GRIK1: variants seen among roughly 807,000 people sequenced by gnomAD.
GRIK1 encodes glutamate receptor ionotropic, kainate 1.
In GRIK1, 69 loss-of-function variants were observed where a neutral mutation model predicts 105.7. The observed-to-expected ratio is 0.65, with a 90% CI of 0.54 to 0.80. The LOEUF (loss-of-function observed/expected upper bound fraction) is 0.80, where lower values mean the gene tolerates loss of function less well. Ranked by LOEUF, GRIK1 falls within the 30% of genes least tolerant of loss-of-function variation. GRIK1 has a pLI of 0.00. For synonymous variants in GRIK1, 438 were observed against 431.3 expected (o/e 1.02, Z -0.19); for missense variants, 1,109 against 1,167.3 (o/e 0.95, Z 0.73).
chr21:29,717,862 TC>T (rs1385315689), intron 1 of GRIK1, among the ~76,000 whole-genome samples: 3 of 152,148 alleles, frequency 2.0e-5, no homozygotes, highest in Admixed American at 2.0e-4. Context: ...TTTGGCTGTG[TC>T]CCCACTCAAA....
intron 1 of GRIK1, among the ~76,000 whole-genome samples, chr21:29,740,240 A>T (rs2064893398): frequency 6.8e-6 from 1 of 147,278 alleles, no homozygotes; most frequent in South Asian, 2.1e-4. Flanking sequence ...TTTTTTTGAG[A>T]CAGAGTCTCC....
At chr21:29,601,717 A>T (rs1365871972) in intron 7 of GRIK1, among the ~76,000 whole-genome samples, 4 of 152,166 alleles carry the variant, frequency 2.6e-5, no homozygotes, top group African/African-American at 7.2e-5. Context: ...CCCTCTGACC[A>T]GTATTGCTTG....
At position 29,633,873 on chromosome 21, in the gene GRIK1, GA is replaced by G. The variant is rs2062339029; in HGVS notation, c.1098+8952del. On this transcript the variant is annotated intron_variant, in intron 7 of 17. Transcript: ENST00000327783. The stretch of plus-strand genomic sequence containing the variant: ...AGGTGCAGAATGAGAAATAGAAATG[GA>G]AATTTTTTCTGAAGAGTAGAAATTT... Among the ~76,000 whole-genome samples the G allele has an allele frequency of 2.0e-5, 3 of 152,226 alleles. No homozygotes were observed. The South Asian group carries it at 6.2e-4, about 32-fold the overall frequency.
intron 1 of GRIK1, among the ~76,000 whole-genome samples, chr21:29,872,535 A>C (rs1198242104): frequency 6.6e-6 from 1 of 152,186 alleles, no homozygotes; most frequent in Non-Finnish European, 1.5e-5. Flanking sequence ...CTGGTGCCAC[A>C]GAAACACTGA....
chr21:29,673,141 TGA>T lies in GRIK1; in HGVS notation c.566_567del (p.Leu189HisfsTer8). 6.2e-7 allele frequency: 1 copy of T among 1,611,496 alleles called. No homozygotes were observed. The highest frequency in any genetic ancestry group is 8.5e-7 in the Non-Finnish European group (1 of 1,177,834). Reference protein sequence around the residue: ...DSTGLIRLQELIKAPSRYNIK... With the variant: ...DSTGLIRLQEXIKAPSRYNIK... ...ATATTATATCTGGAGGGAGCTTTGA[TGA>T]GCTCTTGTAGACGAATTAGACCTAG... On this transcript the variant is annotated frameshift_variant, in exon 4 of 18. Transcript: ENST00000327783. LOFTEE classifies it high-confidence loss of function.
chr21:29,576,895 T>TC (rs2090908761), intron 14 of GRIK1, 69 bp downstream of exon 14: 1 of 848,632 alleles, frequency 1.2e-6, no homozygotes, highest in African/African-American at 1.7e-5. Flanking sequence ...CTTTTTTTTT[T>TC]CGACAGATTC....
chr21:29,591,355 G>A (rs2061331592), intron 9 of GRIK1, 130 bp from the exon 10 acceptor site: 4 of 692,650 alleles, frequency 5.8e-6, no homozygotes, highest in Non-Finnish European at 7.9e-6. Context: ...CACAGTGGAA[G>A]CTACTAAACG....
chr21:29,915,986 C>A (rs1160834030), intron 1 of GRIK1, among the ~76,000 whole-genome samples: 1 of 151,964 alleles, frequency 6.6e-6, no homozygotes. Flanking sequence ...CAGTCCTAAA[C>A]TGAAAAATAA....
At chr21:29,620,851 T>TTA (rs1418762830) in intron 7 of GRIK1, among the ~76,000 whole-genome samples, 3 of 145,098 alleles carry the variant, frequency 2.1e-5, no homozygotes, top group African/African-American at 7.6e-5. Context: ...AAAATATATA[T>TTA]CATATGTAGT....
At chr21:29,701,960 G>T (rs1404815608) in intron 1 of GRIK1, among the ~76,000 whole-genome samples, 1 of 152,194 alleles carries the variant, frequency 6.6e-6, no homozygotes, top group Non-Finnish European at 1.5e-5. Context: ...GATGCAGGAG[G>T]TACTTGACTT....
In GRIK1 at chr21:29,712,107, C is replaced by CACACACACACAT. The variant is rs1247595229; in HGVS notation, c.119-18045_119-18044insATGTGTGTGTGT. Among the ~76,000 whole-genome samples, 7 of 151,356 alleles carry CACACACACACAT rather than the reference C, an allele frequency of 4.6e-5. No homozygotes were observed. The South Asian group carries it at 1.0e-3, about 23-fold the overall frequency. Reference sequence around the variant, plus strand: ...ATACACACACACACACACACACACACACACACACACACACACATATATATA... The same window carrying CACACACACACAT: ...ATACACACACACACACACACACACACACACACACACATACACACACACACACACATATATATA... On this transcript the variant is annotated intron_variant, in intron 1 of 17. Coordinates refer to ENST00000327783, the MANE Select transcript of GRIK1 (RefSeq NM_001330994.2).
intron 1 of GRIK1, among the ~76,000 whole-genome samples, chr21:29,897,383 A>G (rs949057797): frequency 1.3e-5 from 2 of 152,224 alleles, no homozygotes; most frequent in African/African-American, 4.8e-5. Flanking sequence ...CTTGAAAAGC[A>G]TGGCAGAGAA....
At chr21:29,603,372 C>T (rs1392552558) in intron 7 of GRIK1, among the ~76,000 whole-genome samples, 1 of 151,808 alleles carries the variant, frequency 6.6e-6, no homozygotes, top group African/African-American at 2.4e-5. Context: ...ATCCTAGTAC[C>T]TAGTCTCTAG....
At chr21:29,803,197 T>A (rs562727465) in intron 1 of GRIK1, among the ~76,000 whole-genome samples, 2 of 152,298 alleles carry the variant, frequency 1.3e-5, no homozygotes, top group South Asian at 2.1e-4. Context: ...TTCTTCTATG[T>A]GAGATTTGTT....
chr21:29,779,250 C>T (rs73186458), intron 1 of GRIK1, among the ~76,000 whole-genome samples: 3,817 of 152,296 alleles, frequency 0.025, 65 homozygotes, highest in Non-Finnish European at 0.042. Flanking sequence ...ATTTCTTTGA[C>T]TCTGCATGAA....
intron 16 of GRIK1, among the ~76,000 whole-genome samples, chr21:29,538,703 A>G (rs577782228): frequency 2.0e-5 from 3 of 152,298 alleles, no homozygotes; most frequent in East Asian, 3.9e-4. Flanking sequence ...GCCACCAGGT[A>G]ATGTGTCTAA....
chr21:29,888,357 TG>T (rs1206115124), intron 1 of GRIK1, among the ~76,000 whole-genome samples: 1 of 149,832 alleles, frequency 6.7e-6, no homozygotes, highest in Non-Finnish European at 1.5e-5. Flanking sequence ...CTTGACCTCC[TG>T]GGTTCAAGAG....
At chr21:29,770,360 T>C (rs2065784428) in intron 1 of GRIK1, among the ~76,000 whole-genome samples, 8 of 152,198 alleles carry the variant, frequency 5.3e-5, no homozygotes, top group Admixed American at 5.2e-4. Flanking sequence ...CTTCCTTCCA[T>C]ATGTGACATT....
chr21:29,555,336 A>C (rs757891414), intron 15 of GRIK1, 34 bp from the exon 16 acceptor site: 1 of 1,593,386 alleles, frequency 6.3e-7, no homozygotes, highest in South Asian at 1.1e-5. Flanking sequence ...TTGGTCACCA[A>C]AATGTTGAAG....
Sources: allele counts gnomAD v4.1 joint callset (sites outside exome capture counted in the v4.1 genomes callset), GRCh38; gene constraint gnomAD v4.1.1; transcripts MANE v1.5; gene names NCBI Gene and HGNC (gene_info 2026-07-23, HGNC 2026-07-21).